The following XPC variants were observed in gnomAD, a reference collection of about 807,000 sequenced individuals.
XPC encodes DNA repair protein complementing XP-C cells.
A neutral mutation model predicts 95.8 loss-of-function variants in XPC; 76 were observed. The ratio of observed to expected loss-of-function variants is 0.79; its 90% CI spans 0.66 to 0.96. The LOEUF is 0.96. Ranked by LOEUF, XPC falls within the 40% of genes least tolerant of loss-of-function variation. The pLI is 0.00. For missense variants in XPC, 1,146 were observed against 1,179.8 expected (o/e 0.97, Z 0.42); for synonymous variants, 442 against 442.1 (o/e 1.00, Z 0.00).
In XPC at chr3:14,145,768, CA is replaced by C. The variant is rs1276043691; in HGVS notation, c.*172del. 1 of 792,414 alleles carries C rather than the reference CA, an allele frequency of 1.3e-6. No homozygotes were observed. Among genetic ancestry groups the C allele is most frequent in the South Asian group, 1.5e-5 (1 of 68,580 alleles). 49.1% of individuals were successfully genotyped at this position (792,414 alleles called of 1,614,324 possible). The stretch of plus-strand genomic sequence containing the variant: ...GGCTGGAGCCAGACGGGACCTGCAG[CA>C]CCTCCTCAGCTTGGCCTCGTCTCCC... On this transcript the variant is annotated 3_prime_UTR_variant, in exon 16 of 16. Transcript: ENST00000285021.
chr3:14,165,289 CTATCTTCAATG>C, intron 6 of XPC, 128 bp downstream of exon 6: 1 of 1,187,232 alleles, frequency 8.4e-7, no homozygotes, highest in Non-Finnish European at 1.1e-6. Flanking sequence ...TGGCATTTCT[CTATCTTCAATG>C]CCATGCCCAC....
intron 9 of XPC, among the ~76,000 whole-genome samples, chr3:14,157,608 T>C (rs1429468270): frequency 1.3e-5 from 2 of 152,184 alleles, no homozygotes; most frequent in Admixed American, 6.5e-5. Flanking sequence ...GTGTTCTATG[T>C]ATGAGGGGTG....
intron 9 of XPC, 131 bp downstream of exon 9, chr3:14,157,880 C>CTGTG (rs1160220886): frequency 7.7e-7 from 1 of 1,307,074 alleles, no homozygotes; most frequent in African/African-American, 1.5e-5. Flanking sequence ...CTTTATATGG[C>CTGTG]TGTGACAATT....
At chr3:14,157,281 A>C (rs1000381937) in intron 9 of XPC, among the ~76,000 whole-genome samples, 19 of 152,170 alleles carry the variant, frequency 1.2e-4, no homozygotes, top group African/African-American at 4.6e-4. Context: ...TATGGGATGC[A>C]TTGCACTCCT....
At chr3:14,163,391 A>T (rs1696240118) in intron 7 of XPC, among the ~76,000 whole-genome samples, 2 of 152,258 alleles carry the variant, frequency 1.3e-5, no homozygotes, top group Non-Finnish European at 2.9e-5. Flanking sequence ...GAAAATGTAT[A>T]AACATGTAAT....
At chr3:14,156,570 G>C in intron 9 of XPC, 75 bp from the exon 10 acceptor site, 1 of 1,599,434 alleles carries the variant, frequency 6.3e-7, no homozygotes, top group Non-Finnish European at 8.5e-7. Flanking sequence ...ATGATCCTTA[G>C]ACTAACTTGT....
intron 1 of XPC, among the ~76,000 whole-genome samples, chr3:14,175,032 C>T (rs2125048525): frequency 1.3e-5 from 2 of 152,150 alleles, no homozygotes; most frequent in East Asian, 3.9e-4. Context: ...CCGGAGTAAA[C>T]CTTCCAGCAG....
chr3:14,170,998 G>A (rs1158558665), intron 2 of XPC, among the ~76,000 whole-genome samples: 1 of 152,116 alleles, frequency 6.6e-6, no homozygotes, highest in Non-Finnish European at 1.5e-5. Context: ...ATGATGTAAG[G>A]AGACTGAAAT....
At chr3:14,164,030 CAG>C (rs1696270785) in intron 7 of XPC, among the ~76,000 whole-genome samples, 1 of 152,186 alleles carries the variant, frequency 6.6e-6, no homozygotes, top group African/African-American at 2.4e-5. Flanking sequence ...GCCTAGGCGG[CAG>C]AGAGAGACTC....
At position 14,146,170 on chromosome 3, in the gene XPC, G is replaced by C; in HGVS notation, c.2605-11C>G. Reference sequence around the variant, plus strand: ...AGCTGCTGCCTCACTCTGGACAGGTGGCAGTGGTGGGAGGACACAGGCGAG... The same window carrying C: ...AGCTGCTGCCTCACTCTGGACAGGTCGCAGTGGTGGGAGGACACAGGCGAG... On this transcript the variant is annotated splice_polypyrimidine_tract_variant and intron_variant, in intron 15 of 15. Transcript: ENST00000285021. The C allele has an allele frequency of 6.3e-7, 1 of 1,598,776 alleles. No individual in the cohort carries two copies. Among genetic ancestry groups the C allele is most frequent in the Non-Finnish European group, 8.5e-7 (1 of 1,174,060 alleles).
At chr3:14,160,074 TATG>T (rs1696108849) in intron 7 of XPC, among the ~76,000 whole-genome samples, 1 of 152,190 alleles carries the variant, frequency 6.6e-6, no homozygotes, top group African/African-American at 2.4e-5. Flanking sequence ...CTTTAAAAAG[TATG>T]ATGTGATTAC....
Position 14,158,934 on chromosome 3 carries a change from C to T in XPC, c.991-42G>A, listed in dbSNP as rs1559376340. On this transcript the variant is annotated intron_variant, in intron 8 of 15. Coordinates refer to ENST00000285021, the MANE Select transcript of XPC (RefSeq NM_004628.5). This position sits in a 1 kb window ranked among gnomAD's most constrained non-coding sequence, Gnocchi z 5.2. ...AATTTTGCTTTTTTTTCTCCCCCCTCTTTTGCTAATGATATGATAGAAATC... is the reference window on the plus strand; with the variant it reads ...AATTTTGCTTTTTTTTCTCCCCCCTTTTTTGCTAATGATATGATAGAAATC... 1.2e-6 allele frequency: 2 copies of T among 1,610,718 alleles called. No homozygotes were observed. Among genetic ancestry groups the T allele is most frequent in the Non-Finnish European group, 1.7e-6 (2 of 1,179,372 alleles).
At position 14,158,636 on chromosome 3, in the gene XPC, C is replaced by A. The variant is rs200157068; in HGVS notation, c.1247G>T (p.Arg416Leu). The A allele has an allele frequency of 6.2e-7, 1 of 1,613,910 alleles. No individual in the cohort carries two copies. The highest frequency in any genetic ancestry group is 1.7e-5 in the Admixed American group (1 of 60,026). ...GDKQEKATQR[R>L]PHGRERRVAS... ...CACCCGCCGCTCCCGGCCATGCGGA[C>A]GTCGCTGGGTTGCCTTCTCCTGCTT... Residue 416 changes from arginine to leucine, a missense_variant, in exon 9 of 16, where the codon CGT becomes CTT. By Grantham distance (102) the Arg-to-Leu change is moderately radical. Coordinates refer to ENST00000285021, the MANE Select transcript of XPC (RefSeq NM_004628.5). The surrounding 1 kb of genome is among the most constrained non-coding windows in gnomAD (Gnocchi z 5.2).
chr3:14,177,713 T>C (rs34936356), intron 1 of XPC, among the ~76,000 whole-genome samples: 2,356 of 151,944 alleles, frequency 0.016, 58 homozygotes, highest in African/African-American at 0.054. Context: ...TGATTTTTTT[T>C]TTTTTTAAGA....
rs1180844288 is a variant in XPC, at chr3:14,145,774, C to G, written c.*167G>C. The G allele has an allele frequency of 1.2e-6, 1 of 828,468 alleles. No individual in the cohort carries two copies. Among genetic ancestry groups the G allele is most frequent in the East Asian group, 2.6e-5 (1 of 37,756 alleles). 51.3% of individuals were successfully genotyped at this position (828,468 alleles called of 1,614,324 possible). A position where few individuals can be genotyped will look rare whatever the true frequency, so the allele number is the denominator to read the frequency against. ...AGCCAGACGGGACCTGCAGCACCTC[C>G]TCAGCTTGGCCTCGTCTCCCCTGAC... On this transcript the variant is annotated 3_prime_UTR_variant, in exon 16 of 16. Transcript: ENST00000285021.
chr3:14,177,063 G>A (rs1168926826), intron 1 of XPC, among the ~76,000 whole-genome samples: 2 of 152,008 alleles, frequency 1.3e-5, no homozygotes, highest in African/African-American at 2.4e-5. Context: ...CAGCCTCAGC[G>A]ACAGAGTGAG....
At chr3:14,178,144 C>A (rs1696911044) in intron 1 of XPC, among the ~76,000 whole-genome samples, 2 of 152,228 alleles carry the variant, frequency 1.3e-5, no homozygotes, top group African/African-American at 4.8e-5. Context: ...CTGGTCCGTC[C>A]GTCTGTCTTC....
intron 14 of XPC, chr3:14,147,636 T>C: frequency 5.0e-6 from 3 of 602,254 alleles, no homozygotes; most frequent in Non-Finnish European, 8.7e-6. Context: ...TTCCAGAACC[T>C]GGACACAGGC....
chr3:14,169,072 C>T, intron 3 of XPC, among the ~76,000 whole-genome samples: 1 of 152,140 alleles, frequency 6.6e-6, no homozygotes, highest in Non-Finnish European at 1.5e-5. Flanking sequence ...TTAAAATGAA[C>T]CACAGCTTCT....
Sources: allele counts gnomAD v4.1 joint callset (sites outside exome capture counted in the v4.1 genomes callset), GRCh38; gene constraint gnomAD v4.1.1; non-coding constraint Gnocchi (gnomAD v3.1); transcripts MANE v1.5; gene names NCBI Gene and HGNC (gene_info 2026-07-23, HGNC 2026-07-21).